Variants in PDE7A observed in about 807,000 individuals in gnomAD.
The protein encoded by PDE7A is phosphodiesterase 7A.
A neutral mutation model predicts 64.3 loss-of-function variants in PDE7A; 39 were observed. The observed-to-expected ratio is 0.61, with a 90% CI of 0.47 to 0.79. The LOEUF (loss-of-function observed/expected upper bound fraction) is 0.79, where lower values mean the gene tolerates loss of function less well. PDE7A is among the 30% of genes least tolerant of loss of function. The pLI is 0.00. For missense variants in PDE7A, 470 were observed against 582.8 expected, an observed-to-expected ratio of 0.81 and a Z score of 1.99; for synonymous variants, 203 against 206.8, an observed-to-expected ratio of 0.98 and a Z score of 0.16.
chr8:65,724,158 C>A, intron 11 of PDE7A, 97 bp downstream of exon 11: 1 of 711,002 alleles, frequency 1.4e-6, no homozygotes, highest in Non-Finnish European at 2.5e-6. Context: ...CAAGACTCTA[C>A]TGCTAGACCC....
intron 3 of PDE7A, among the ~76,000 whole-genome samples, chr8:65,757,450 C>A (rs1808284438): frequency 6.6e-6 from 1 of 152,062 alleles, no homozygotes; most frequent in African/African-American, 2.4e-5. Context: ...TGACTGTCTC[C>A]CAGGGTGAGG....
At chr8:65,749,173 T>G (rs931114082) in intron 3 of PDE7A, among the ~76,000 whole-genome samples, 32 of 152,330 alleles carry the variant, frequency 2.1e-4, no homozygotes, top group African/African-American at 7.5e-4. Context: ...CTTCTGATAT[T>G]ATAATTAGTT....
chr8:65,723,645 A>G, intron 11 of PDE7A, 24 bp from the exon 12 acceptor site: 1 of 1,460,412 alleles, frequency 6.8e-7, no homozygotes, highest in Non-Finnish European at 9.2e-7. Context: ...AAAGAGAAGT[A>G]TTAATATGAA....
chr8:65,841,511 AAT>A lies in PDE7A; in HGVS notation c.-5_-4del. 6.6e-7 allele frequency: 1 copy of A among 1,517,324 alleles called. No individual in the cohort carries two copies. Among genetic ancestry groups the A allele is most frequent in the Non-Finnish European group, 8.8e-7 (1 of 1,140,386 alleles). 94.0% of individuals were successfully genotyped at this position (1,517,324 alleles called of 1,614,324 possible). Reference sequence around the variant, plus strand: ...GGCAGCTGGTAACACACTTCCATTGAATACGCCCGCCCTGCCTCCGCGCGGCG... The same window carrying A: ...GGCAGCTGGTAACACACTTCCATTGAACGCCCGCCCTGCCTCCGCGCGGCG... On this transcript the variant is annotated 5_prime_UTR_variant, in exon 1 of 13. Transcript: ENST00000401827.
Position 65,716,022 on chromosome 8 carries a change from A to C in PDE7A, c.*3268T>G, listed in dbSNP as rs1331611839. On this transcript the variant is annotated 3_prime_UTR_variant, in exon 13 of 13. Transcript: ENST00000401827. The stretch of plus-strand genomic sequence containing the variant: ...AAAAAAAAAAAAAAAAAAAAAAAAA[A>C]AAATTAGCTGGGTGGTGTGGTGGCA... Among the ~76,000 whole-genome samples, 1 of 147,938 alleles carries C rather than the reference A, an allele frequency of 6.8e-6. No homozygotes were observed. Among genetic ancestry groups the C allele is most frequent in the Non-Finnish European group, 1.5e-5 (1 of 66,880 alleles).
intron 1 of PDE7A, among the ~76,000 whole-genome samples, chr8:65,826,759 A>G (rs910386178): frequency 2.6e-5 from 4 of 152,194 alleles, no homozygotes; most frequent in African/African-American, 4.8e-5. Context: ...GCTTAAAACA[A>G]CAGAAATATA....
rs375889416 is a variant in PDE7A, at chr8:65,732,680, A to C, written c.696+2114T>G. Among the ~76,000 whole-genome samples, 3 of 152,056 alleles carry C rather than the reference A, an allele frequency of 2.0e-5. No homozygotes were observed. The East Asian group carries it at 5.8e-4, about 29-fold the overall frequency. On this transcript the variant is annotated intron_variant, in intron 7 of 12. Coordinates refer to ENST00000401827, the MANE Select transcript of PDE7A (RefSeq NM_001242318.3). ...AGGTACACACCACCATGCCCATCTA[A>C]CTTTTTATTTTTTGTAGAGATGGGA...
intron 3 of PDE7A, among the ~76,000 whole-genome samples, chr8:65,765,326 A>G (rs1023863812): frequency 2.0e-5 from 3 of 150,698 alleles, no homozygotes; most frequent in African/African-American, 7.3e-5. Context: ...CGTCTCTACT[A>G]AAAATACAAA....
At chr8:65,768,801 TATG>T (rs1456608251) in intron 3 of PDE7A, among the ~76,000 whole-genome samples, 3 of 152,198 alleles carry the variant, frequency 2.0e-5, no homozygotes, top group Non-Finnish European at 4.4e-5. Context: ...TGTAAATATG[TATG>T]ATAAATATTA....
rs745404699 is a variant in PDE7A at position 65,715,761 on chromosome 8, G to A, written c.*3529C>T. Among the ~76,000 whole-genome samples the A allele has an allele frequency of 1.9e-3, 282 of 148,382 alleles. 1 individual carries two copies. The highest frequency in any genetic ancestry group is 2.9e-3 in the Non-Finnish European group (195 of 66,626). The stretch of plus-strand genomic sequence containing the variant: ...AGCACTATGGGAGGCCGAGGCGGGC[G>A]GATCACGAGGTCAGGAGATTGAGAC... On this transcript the variant is annotated 3_prime_UTR_variant, in exon 13 of 13. Transcript: ENST00000401827.
chr8:65,719,171 T>G lies in PDE7A; in HGVS notation c.*119A>C. On this transcript the variant is annotated 3_prime_UTR_variant, in exon 13 of 13. Transcript: ENST00000401827. ...AGGAAATCTTGGAAATAAATAATGC[T>G]GGCTGGCATCACTCACTTGGAAACC... The G allele has an allele frequency of 1.5e-6, 1 of 676,328 alleles. No homozygotes were observed. Among genetic ancestry groups the G allele is most frequent in the South Asian group, 1.8e-5 (1 of 57,140 alleles). The allele number at this position is 676,328 out of a possible 1,614,324, so 41.9% of individuals were successfully genotyped here. A position where few individuals can be genotyped will look rare whatever the true frequency, so the allele number is the denominator to read the frequency against.
intron 6 of PDE7A, 106 bp downstream of exon 6, chr8:65,739,396 T>A: frequency 7.9e-7 from 1 of 1,264,644 alleles, no homozygotes; most frequent in Non-Finnish European, 1.0e-6. Context: ...TAATTTTGGC[T>A]GGTTTGTTAT....
At chr8:65,813,671 T>A (rs1810309441) in intron 1 of PDE7A, among the ~76,000 whole-genome samples, 1 of 152,256 alleles carries the variant, frequency 6.6e-6, no homozygotes, top group African/African-American at 2.4e-5. Flanking sequence ...TTTTTTAATG[T>A]AATCTTTTTG....
At position 65,807,777 on chromosome 8, in the gene PDE7A, G is replaced by C. The variant is rs529673824; in HGVS notation, c.139-24934C>G. Reference sequence around the variant, plus strand: ...GTTAAATGCTTTTCCTGCATCTACTGGGATGAGCACATGGCTTTTTTTATT... The same window carrying C: ...GTTAAATGCTTTTCCTGCATCTACTCGGATGAGCACATGGCTTTTTTTATT... On this transcript the variant is annotated intron_variant, in intron 1 of 12. Coordinates refer to ENST00000401827, the MANE Select transcript of PDE7A (RefSeq NM_001242318.3). Among the ~76,000 whole-genome samples the C allele has an allele frequency of 2.0e-5, 3 of 152,322 alleles. No individual in the cohort carries two copies. The East Asian group carries it at 5.8e-4, about 29-fold the overall frequency.
At chr8:65,761,931 A>G (rs1330718279) in intron 3 of PDE7A, among the ~76,000 whole-genome samples, 1 of 152,108 alleles carries the variant, frequency 6.6e-6, no homozygotes, top group Non-Finnish European at 1.5e-5. Flanking sequence ...CCCAAATCGC[A>G]TGTTTTCCCA....
At chr8:65,805,238 C>A (rs1264359475) in intron 1 of PDE7A, among the ~76,000 whole-genome samples, 1 of 152,166 alleles carries the variant, frequency 6.6e-6, no homozygotes, top group African/African-American at 2.4e-5. Context: ...ATTTAAAGAG[C>A]CCCTTATTTA....
rs1161611272 is a variant in PDE7A at position 65,715,976 on chromosome 8, G to A, written c.*3314C>T. Among the ~76,000 whole-genome samples the A allele has an allele frequency of 1.9e-4, 23 of 120,652 alleles. No individual in the cohort carries two copies. Among genetic ancestry groups the A allele is most frequent in the South Asian group, 6.0e-4 (2 of 3,348 alleles). The allele number at this position is 120,652 out of a possible 152,430, so 79.2% of individuals were successfully genotyped here. ...CGCGGCACTGCACTCCAGCCTGGGCGACAGAGCAAGGCTCTGTCTCAAAAA... is the reference window on the plus strand; with the variant it reads ...CGCGGCACTGCACTCCAGCCTGGGCAACAGAGCAAGGCTCTGTCTCAAAAA... On this transcript the variant is annotated 3_prime_UTR_variant, in exon 13 of 13. Transcript: ENST00000401827.
chr8:65,828,674 TCAAAA>T (rs1441233442), intron 1 of PDE7A, among the ~76,000 whole-genome samples: 1 of 152,106 alleles, frequency 6.6e-6, no homozygotes, highest in Non-Finnish European at 1.5e-5. Flanking sequence ...TTCTGTCCTC[TCAAAA>T]GGTTGACTCA....
At chr8:65,770,121 CTGTGTGTGTGTGTG>C (rs10608556) in intron 3 of PDE7A, among the ~76,000 whole-genome samples, 261 of 146,530 alleles carry the variant, frequency 1.8e-3, no homozygotes, top group East Asian at 6.9e-3. Context: ...CAGTATACTT[CTGTGTGTGTGTGTG>C]TGTGTGTGTG....
Sources: allele counts gnomAD v4.1 joint callset (sites outside exome capture counted in the v4.1 genomes callset), GRCh38; gene constraint gnomAD v4.1.1; transcripts MANE v1.5; gene names NCBI Gene and HGNC (gene_info 2026-07-23, HGNC 2026-07-21).